MCTP1: variants seen among roughly 807,000 people sequenced by gnomAD.
MCTP1 encodes the protein multiple C2 and transmembrane domain-containing protein 1.
Under a neutral mutation model 120.6 loss-of-function variants are expected in MCTP1, and 69 were observed. The ratio of observed to expected loss-of-function variants is 0.57; its 90% CI spans 0.47 to 0.70. MCTP1 has a LOEUF of 0.70. MCTP1 is among the 30% of genes least tolerant of loss of function. The pLI is 0.00. For synonymous variants in MCTP1, 529 were observed against 493.1 expected (o/e 1.07, Z -0.96); for missense variants, 1,203 against 1,248.8 (o/e 0.96, Z 0.55).
chr5:95,114,663 C>T (rs1757691248), intron 1 of MCTP1, among the ~76,000 whole-genome samples: 1 of 152,240 alleles, frequency 6.6e-6, no homozygotes, highest in South Asian at 2.1e-4. Flanking sequence ...ACCATGTAGA[C>T]ATCTAAGGTT....
chr5:94,777,466 CAT>C (rs1357233091), intron 19 of MCTP1, among the ~76,000 whole-genome samples: 3 of 152,134 alleles, frequency 2.0e-5, no homozygotes, highest in South Asian at 2.1e-4. Context: ...TGACTAAAAA[CAT>C]AGGTTGACTT....
chr5:95,097,601 G>GA (rs34502589), intron 1 of MCTP1, among the ~76,000 whole-genome samples: 85,589 of 151,958 alleles, frequency 0.56, 24,859 homozygotes, highest in Admixed American at 0.65. Flanking sequence ...CATTTTGTTG[G>GA]TTTCCATCAT....
intron 1 of MCTP1, among the ~76,000 whole-genome samples, chr5:95,116,832 C>T (rs960023387): frequency 6.6e-6 from 1 of 152,002 alleles, no homozygotes; most frequent in African/African-American, 2.4e-5. Context: ...ACTTGGCTGT[C>T]TGCTTGCCTG....
chr5:95,207,136 T>C (rs909934526), intron 1 of MCTP1, among the ~76,000 whole-genome samples: 1 of 152,152 alleles, frequency 6.6e-6, no homozygotes, highest in African/African-American at 2.4e-5. Flanking sequence ...ATCATAAATA[T>C]TGACTATCCT....
chr5:94,707,400 A>T lies in MCTP1; in HGVS notation c.*96T>A. 1.1e-6 allele frequency: 1 copy of T among 943,094 alleles called. No homozygotes were observed. Among genetic ancestry groups the T allele is most frequent in the African/African-American group, 1.7e-5 (1 of 59,970 alleles). 58.4% of individuals were successfully genotyped at this position (943,094 alleles called of 1,614,324 possible). ...TCGATCATGATAAAAAGGCAAAATA[A>T]ATAAAAAGCAGAAAGAAAGGAAATG... On this transcript the variant is annotated 3_prime_UTR_variant, in exon 23 of 23. Transcript: ENST00000515393.
rs1171925389 is a variant in MCTP1, at chr5:94,909,131, C to CCTTTCTTCAAAA, written c.1652+119_1652+120insTTTTGAAGAAAG. 13 of 1,217,856 alleles carry CCTTTCTTCAAAA rather than the reference C, an allele frequency of 1.1e-5. No homozygotes were observed. In the East Asian group the frequency reaches 3.3e-4, roughly 31 times the overall value. The allele number at this position is 1,217,856 out of a possible 1,614,324, so 75.4% of individuals were successfully genotyped here. ...TTCAGTTCATCCAAGCATTGCCTTA[C>CCTTTCTTCAAAA]CATGGTAAAGTCCCTTTCTTCAAAA... On this transcript the variant is annotated intron_variant, in intron 10 of 22. Transcript: ENST00000515393.
chr5:94,988,126 T>C (rs1830747411), intron 2 of MCTP1, among the ~76,000 whole-genome samples: 1 of 152,224 alleles, frequency 6.6e-6, no homozygotes. Flanking sequence ...TCTTTATTTC[T>C]ATATTTCTAT....
chr5:94,917,371 G>A (rs1369539680), intron 8 of MCTP1, among the ~76,000 whole-genome samples: 1 of 152,162 alleles, frequency 6.6e-6, no homozygotes, highest in Non-Finnish European at 1.5e-5. Context: ...AACCAACCTT[G>A]TTCTTCAAAG....
intron 19 of MCTP1, among the ~76,000 whole-genome samples, chr5:94,769,078 C>T (rs959015675): frequency 6.6e-6 from 1 of 152,112 alleles, no homozygotes; most frequent in African/African-American, 2.4e-5. Flanking sequence ...AAAATTACAT[C>T]ACTTGCAGCA....
intron 1 of MCTP1, among the ~76,000 whole-genome samples, chr5:95,168,035 C>T (rs529404775): frequency 1.3e-5 from 2 of 152,240 alleles, no homozygotes; most frequent in Admixed American, 1.3e-4. Context: ...TTAGGTCTAA[C>T]ATTTAAGTCT....
intron 1 of MCTP1, among the ~76,000 whole-genome samples, chr5:95,279,375 AT>A (rs1760128410): frequency 6.6e-6 from 1 of 152,176 alleles, no homozygotes; most frequent in Non-Finnish European, 1.5e-5. Flanking sequence ...ATAATGTAAG[AT>A]TTTTTCCATT....
intron 5 of MCTP1, among the ~76,000 whole-genome samples, chr5:94,934,091 T>G (rs1340845811): frequency 6.6e-6 from 1 of 151,848 alleles, no homozygotes. Flanking sequence ...CCAAATCTAC[T>G]ACCAAAGCAA....
intron 2 of MCTP1, among the ~76,000 whole-genome samples, chr5:94,954,288 T>G (rs1177763670): frequency 2.7e-5 from 4 of 149,032 alleles, no homozygotes; most frequent in African/African-American, 9.9e-5. Flanking sequence ...TTACTCTAAG[T>G]GAAATGACTC....
intron 19 of MCTP1, among the ~76,000 whole-genome samples, chr5:94,744,631 G>A (rs1263330419): frequency 6.6e-6 from 1 of 152,130 alleles, no homozygotes; most frequent in Non-Finnish European, 1.5e-5. Context: ...AGCCTTCTGA[G>A]TAGCTGGGAT....
intron 1 of MCTP1, among the ~76,000 whole-genome samples, chr5:95,121,986 TA>T (rs1758280341): frequency 6.9e-6 from 1 of 143,928 alleles, no homozygotes; most frequent in Non-Finnish European, 1.5e-5. Flanking sequence ...TCACCATATA[TA>T]AAAATCAAAT....
At chr5:95,155,365 C>T (rs1353736983) in intron 1 of MCTP1, among the ~76,000 whole-genome samples, 1 of 152,030 alleles carries the variant, frequency 6.6e-6, no homozygotes, top group African/African-American at 2.4e-5. Context: ...AGGATTTAGG[C>T]AAGATTGTTG....
chr5:94,825,947 G>A, intron 17 of MCTP1: 1 of 215,696 alleles, frequency 4.6e-6, no homozygotes. Flanking sequence ...AATAATCATG[G>A]TAGGCAACTT....
intron 1 of MCTP1, among the ~76,000 whole-genome samples, chr5:95,264,698 C>A (rs1232130936): frequency 6.6e-6 from 1 of 152,192 alleles, no homozygotes; most frequent in Non-Finnish European, 1.5e-5. Context: ...CACCCCCTGG[C>A]CACAGTGGAC....
intron 19 of MCTP1, among the ~76,000 whole-genome samples, chr5:94,746,756 T>C (rs894423572): frequency 5.9e-5 from 9 of 152,200 alleles, no homozygotes; most frequent in African/African-American, 2.2e-4. Context: ...TTCAGAAAAC[T>C]TCAGTGGATC....
Sources: gnomAD v4.1 joint callset for allele counts (sites outside exome capture counted in the v4.1 genomes callset) on GRCh38, gnomAD v4.1.1 for gene constraint, MANE v1.5 for transcripts, NCBI Gene and HGNC (gene_info 2026-07-23, HGNC 2026-07-21) for gene names.